The following PPP6C variants were observed in gnomAD, a reference collection of about 807,000 sequenced individuals.
PPP6C encodes serine/threonine-protein phosphatase 6 catalytic subunit.
In PPP6C, 11 loss-of-function variants were observed where a neutral mutation model predicts 39.8. That is an observed-to-expected ratio of 0.28 (90% confidence interval 0.17 to 0.46). The LOEUF is 0.46. Ranked by LOEUF, PPP6C falls within the 20% of genes least tolerant of loss-of-function variation. PPP6C has a pLI of 1.00. For synonymous variants in PPP6C, 129 were observed against 130.3 expected (o/e 0.99, Z 0.07); for missense variants, 211 against 373.9 (o/e 0.56, Z 3.59).
At chr9:125,172,031 G>A (rs1476761271) in intron 1 of PPP6C, 1 of 456,068 alleles carries the variant, frequency 2.2e-6, no homozygotes, top group Non-Finnish European at 4.5e-6. Flanking sequence ...CCTTCAATGA[G>A]TGAATGGTTA....
chr9:125,150,744 G>A lies in PPP6C; in HGVS notation c.670-823C>T, dbSNP rs903403992. ...CCTGGAGCTCGGCAAGGCAGTGATT[G>A]AGAAATTCAGCAACTAGGAGACCTG... On this transcript the variant is annotated intron_variant, in intron 6 of 6. Coordinates refer to ENST00000373547, the MANE Select transcript of PPP6C (RefSeq NM_002721.5). The A allele has an allele frequency of 9.4e-6, 7 of 741,656 alleles. No individual in the cohort carries two copies. In the Admixed American group the frequency reaches 1.3e-4, roughly 14 times the overall value. The allele number at this position is 741,656 out of a possible 1,614,324, so 45.9% of individuals were successfully genotyped here. A position where few individuals can be genotyped will look rare whatever the true frequency, so the allele number is the denominator to read the frequency against.
Position 125,159,704 on chromosome 9 carries a change from G to A in PPP6C, c.237+1137C>T, listed in dbSNP as rs186944143. ...GACTTGGGCCAATATTACACCAATA[G>A]GAAAACAGCTGAAAGAATAGGAAAG... On this transcript the variant is annotated intron_variant, in intron 3 of 6. Coordinates refer to ENST00000373547, the MANE Select transcript of PPP6C (RefSeq NM_002721.5). Among the ~76,000 whole-genome samples, 8 of 152,240 alleles carry A rather than the reference G, an allele frequency of 5.3e-5. No homozygotes were observed. In the East Asian group the frequency reaches 1.5e-3, roughly 29 times the overall value.
chr9:125,169,542 G>A (rs1242132541), intron 2 of PPP6C, among the ~76,000 whole-genome samples: 1 of 151,940 alleles, frequency 6.6e-6, no homozygotes, highest in Non-Finnish European at 1.5e-5. Context: ...TTAAGACACT[G>A]CTTATATTAA....
At chr9:125,166,062 G>A (rs995213920) in intron 2 of PPP6C, among the ~76,000 whole-genome samples, 3 of 152,100 alleles carry the variant, frequency 2.0e-5, no homozygotes, top group Non-Finnish European at 4.4e-5. Flanking sequence ...CTCCCAAAGT[G>A]CTGGGATTGC....
chr9:125,158,255 A>T lies in PPP6C; in HGVS notation c.365T>A (p.Val122Asp). The T allele has an allele frequency of 6.2e-7, 1 of 1,607,004 alleles. No individual in the cohort carries two copies. The highest frequency in any genetic ancestry group is 8.5e-7 in the Non-Finnish European group (1 of 1,174,726). ...GNHESRQITQ[V>D]YGFYDECQTK... Reference sequence around the variant, plus strand: ...GGAATTCTTACCATAAAATCCATAGACCTGTGTTATCTGTCTACTCTCATG... The same window carrying T: ...GGAATTCTTACCATAAAATCCATAGTCCTGTGTTATCTGTCTACTCTCATG... The change falls in exon 4 of 7, where the codon GTC (valine) becomes GAC (aspartate). Residue 122 changes from valine (V) to aspartate (D), a missense_variant. Transcript: ENST00000373547.
At position 125,156,987 on chromosome 9, in the gene PPP6C, T is replaced by A. The variant is rs971646391; in HGVS notation, c.379+1254A>T. ...CACCACCATGCCCGGCTAAATTTTT[T>A]TTATTATTAAACTTTAAGTTCTAGG... On this transcript the variant is annotated intron_variant, in intron 4 of 6. Coordinates refer to ENST00000373547, the MANE Select transcript of PPP6C (RefSeq NM_002721.5). 3.9e-5 allele frequency among the ~76,000 whole-genome samples: 6 copies of A among 151,994 alleles called. No individual in the cohort carries two copies. In the South Asian group the frequency reaches 1.0e-3, roughly 26 times the overall value.
chr9:125,159,388 T>TC (rs1828806193), intron 3 of PPP6C, among the ~76,000 whole-genome samples: 1 of 151,196 alleles, frequency 6.6e-6, no homozygotes, highest in Admixed American at 6.6e-5. Flanking sequence ...TTTTTTTTTT[T>TC]TAGAGATGGG....
chr9:125,185,003 G>A (rs1157575618), intron 1 of PPP6C, among the ~76,000 whole-genome samples: 1 of 145,710 alleles, frequency 6.9e-6, no homozygotes, highest in African/African-American at 2.5e-5. Flanking sequence ...AGGTAAACAT[G>A]TCACCCTTAA....
At chr9:125,189,007 T>A in intron 1 of PPP6C, 1 of 1,275,548 alleles carries the variant, frequency 7.8e-7, no homozygotes, top group South Asian at 1.3e-5. Flanking sequence ...AACTACTTTA[T>A]CCACTTCAGT....
intron 2 of PPP6C, among the ~76,000 whole-genome samples, chr9:125,167,411 A>AAAAC (rs1829045552): frequency 2.0e-5 from 3 of 146,890 alleles, no homozygotes; most frequent in African/African-American, 7.7e-5. Context: ...AAATAAAAAA[A>AAAAC]AGGCCGGGCA....
intron 1 of PPP6C, 37 bp from the exon 2 acceptor site, chr9:125,171,217 C>A: frequency 7.0e-7 from 1 of 1,436,582 alleles, no homozygotes; most frequent in Admixed American, 2.2e-5. Context: ...ACATTTACTA[C>A]AACATTAAAA....
chr9:125,178,138 A>G (rs1030697128), intron 1 of PPP6C, among the ~76,000 whole-genome samples: 6 of 152,264 alleles, frequency 3.9e-5, no homozygotes, highest in Admixed American at 2.0e-4. Context: ...TTGTATGGAC[A>G]TAAGTTTACA....
At chr9:125,166,719 A>C (rs1829021814) in intron 2 of PPP6C, among the ~76,000 whole-genome samples, 1 of 151,924 alleles carries the variant, frequency 6.6e-6, no homozygotes. Flanking sequence ...TTTTTAGTAA[A>C]GATGGGGTTT....
In PPP6C at chr9:125,160,897, G is replaced by C. The variant is rs1027089626; in HGVS notation, c.181C>G (p.Leu61Val). ...CGDIHGQFYD[L>V]CELFRTGGQV... ...CCTCCAGTTCTGAACAGTTCACAAA[G>C]GTCATAAAACTATAAAAGAAATGCA... Residue 61 changes from leucine to valine, a missense_variant, in exon 3 of 7, where the codon CTT (leucine) becomes GTT (valine). Coordinates refer to ENST00000373547, the MANE Select transcript of PPP6C (RefSeq NM_002721.5). 1.9e-5 allele frequency: 30 copies of C among 1,576,006 alleles called. No homozygotes were observed. The highest frequency in any genetic ancestry group is 2.1e-5 in the Non-Finnish European group (25 of 1,164,930).
chr9:125,158,480 TAAAG>T (rs1343169586), intron 3 of PPP6C, 98 bp from the exon 4 acceptor site: 3 of 1,220,552 alleles, frequency 2.5e-6, no homozygotes, highest in Non-Finnish European at 3.3e-6. Context: ...ATAACTACAA[TAAAG>T]AGTTACATAC....
At chr9:125,159,839 T>C (rs1257816176) in intron 3 of PPP6C, among the ~76,000 whole-genome samples, 1 of 152,124 alleles carries the variant, frequency 6.6e-6, no homozygotes, top group African/African-American at 2.4e-5. Flanking sequence ...CTGGCCAACA[T>C]AGTGAAATCC....
At position 125,184,732 on chromosome 9, in the gene PPP6C, G is replaced by C. The variant is rs561855058; in HGVS notation, c.75+4912C>G. ...TCACATCTGTAATCCCAACACTTTG[G>C]GAGGCCGAGGTGGGCGGATCACCTG... is the stretch of plus-strand genomic sequence containing the variant. On this transcript the variant is annotated intron_variant, in intron 1 of 6. Coordinates refer to ENST00000373547, the MANE Select transcript of PPP6C (RefSeq NM_002721.5). Among the ~76,000 whole-genome samples, 533 of 152,126 alleles carry C rather than the reference G, an allele frequency of 3.5e-3. 3 individuals carry two copies. The highest frequency in any genetic ancestry group is 6.0e-3 in the Non-Finnish European group (405 of 67,974).
At chr9:125,153,799 A>G (rs1461726394) in intron 5 of PPP6C, 57 bp from the exon 6 acceptor site, 1 of 1,544,080 alleles carries the variant, frequency 6.5e-7, no homozygotes, top group African/African-American at 1.4e-5. Context: ...ATCTAAACTC[A>G]TCAGTGAATA....
chr9:125,184,841 G>A (rs902231172), intron 1 of PPP6C, among the ~76,000 whole-genome samples: 4 of 151,652 alleles, frequency 2.6e-5, no homozygotes, highest in African/African-American at 9.7e-5. Context: ...AATTAGCTGG[G>A]TGTGGTAGTG....
Sources: gnomAD v4.1 joint callset for allele counts (sites outside exome capture counted in the v4.1 genomes callset) on GRCh38, gnomAD v4.1.1 for gene constraint, MANE v1.5 for transcripts, NCBI Gene and HGNC (gene_info 2026-07-23, HGNC 2026-07-21) for gene names.